Variants in ABL2 observed in about 807,000 individuals in gnomAD.
ABL2 encodes the protein tyrosine-protein kinase ABL2.
A neutral mutation model predicts 107.7 loss-of-function variants in ABL2; 49 were observed. The observed-to-expected ratio is 0.45, with a 90% CI of 0.36 to 0.58. The LOEUF is 0.58. ABL2 is among the 20% of genes least tolerant of loss of function. The pLI is 0.00. For missense variants in ABL2, 1,245 were observed against 1,457.0 expected (o/e 0.85, Z 2.37); for synonymous variants, 549 against 548.6 (o/e 1.00, Z -0.01).
At chr1:179,184,576 G>A in intron 1 of ABL2, 1 of 558,630 alleles carries the variant, frequency 1.8e-6, no homozygotes, top group South Asian at 2.0e-5. Flanking sequence ...AGAAGATGAG[G>A]AGGAGGAGGA....
At chr1:179,135,234 T>A (rs1469476383) in intron 1 of ABL2, among the ~76,000 whole-genome samples, 2 of 147,982 alleles carry the variant, frequency 1.4e-5, no homozygotes, top group African/African-American at 5.0e-5. Context: ...CTGCCCAGTC[T>A]GGAAAGTGAG....
chr1:179,181,555 T>A (rs140939275), intron 1 of ABL2, among the ~76,000 whole-genome samples: 1 of 152,156 alleles, frequency 6.6e-6, no homozygotes. Flanking sequence ...ACACTATCTA[T>A]ATCATGGTGC....
rs1652928979 is a variant in ABL2 at position 179,099,576 on chromosome 1, T to C, written c.*8142A>G. On this transcript the variant is annotated 3_prime_UTR_variant, in exon 12 of 12. Transcript: ENST00000502732. ...GGTAATGTGACACACAATTGATGTG[T>C]TTTTAGTTAAATCCCACATTGTCTC... 4.4e-6 allele frequency: 1 copy of C among 229,524 alleles called. No individual in the cohort carries two copies. Among genetic ancestry groups the C allele is most frequent in the South Asian group, 1.8e-4 (1 of 5,504 alleles). The allele number at this position is 229,524 out of a possible 1,614,324, so 14.2% of individuals were successfully genotyped here. A position where few individuals can be genotyped will look rare whatever the true frequency, so the allele number is the denominator to read the frequency against.
At chr1:179,190,941 T>C (rs1461361887) in intron 1 of ABL2, among the ~76,000 whole-genome samples, 1 of 152,212 alleles carries the variant, frequency 6.6e-6, no homozygotes, top group Non-Finnish European at 1.5e-5. Flanking sequence ...TTTAAGGTCC[T>C]AGGCCTGGTA....
At chr1:179,154,009 C>A (rs1405239443) in intron 1 of ABL2, among the ~76,000 whole-genome samples, 1 of 152,156 alleles carries the variant, frequency 6.6e-6, no homozygotes, top group African/African-American at 2.4e-5. Flanking sequence ...ATTCTAGAGT[C>A]CTCTTTCTTC....
chr1:179,151,703 G>A (rs949022151), intron 1 of ABL2, among the ~76,000 whole-genome samples: 1 of 150,586 alleles, frequency 6.6e-6, no homozygotes, highest in African/African-American at 2.4e-5. Flanking sequence ...ATTACTCTAT[G>A]GAATAAAATT....
chr1:179,122,245 T>C (rs946097642), intron 4 of ABL2, among the ~76,000 whole-genome samples: 9 of 144,496 alleles, frequency 6.2e-5, no homozygotes, highest in African/African-American at 2.1e-4. Flanking sequence ...CATATTTCAC[T>C]GGCCTGAAGA....
At chr1:179,166,644 G>A (rs1041387933) in intron 1 of ABL2, among the ~76,000 whole-genome samples, 7 of 152,000 alleles carry the variant, frequency 4.6e-5, no homozygotes, top group East Asian at 1.9e-4. Flanking sequence ...GGGCATGATG[G>A]TGCCTGCCTG....
At chr1:179,153,432 C>T (rs112342146) in intron 1 of ABL2, among the ~76,000 whole-genome samples, 8 of 152,026 alleles carry the variant, frequency 5.3e-5, no homozygotes, top group Non-Finnish European at 1.0e-4. Flanking sequence ...AAGGTGTCAG[C>T]GGGAGACTCC....
chr1:179,114,067 C>G (rs1483731743), intron 9 of ABL2, among the ~76,000 whole-genome samples: 3 of 151,946 alleles, frequency 2.0e-5, no homozygotes, highest in Non-Finnish European at 4.4e-5. Context: ...CCAGCCTGGC[C>G]AACATGCCAA....
chr1:179,112,967 T>G (rs1654238407), intron 9 of ABL2, among the ~76,000 whole-genome samples: 1 of 152,192 alleles, frequency 6.6e-6, no homozygotes, highest in Non-Finnish European at 1.5e-5. Context: ...TTGGCCATGC[T>G]GGTCTCGAAC....
At chr1:179,147,210 C>CAAAAAAAAAAAAAAAAA (rs1658058948) in intron 1 of ABL2, among the ~76,000 whole-genome samples, 1 of 48,032 alleles carries the variant, frequency 2.1e-5, no homozygotes, top group Non-Finnish European at 4.0e-5. Context: ...AAAAAAAAAC[C>CAAAAAAAAAAAAAAAAA]AACTGATGTT....
At chr1:179,175,999 G>A (rs189968326) in intron 1 of ABL2, among the ~76,000 whole-genome samples, 178 of 152,150 alleles carry the variant, frequency 1.2e-3, no homozygotes, top group African/African-American at 4.1e-3. Flanking sequence ...GGGATTACAG[G>A]TGTGTGCCAC....
At chr1:179,185,300 C>T (rs187021220) in intron 1 of ABL2, among the ~76,000 whole-genome samples, 2 of 152,304 alleles carry the variant, frequency 1.3e-5, no homozygotes, top group East Asian at 1.9e-4. Flanking sequence ...GTCTGACAGA[C>T]ATCCTTGCAG....
chr1:179,148,169 G>A (rs1290807556), intron 1 of ABL2, among the ~76,000 whole-genome samples: 1 of 151,502 alleles, frequency 6.6e-6, no homozygotes, highest in Non-Finnish European at 1.5e-5. Context: ...CTCCTGAGTA[G>A]CTGGGACCAC....
rs143561863 is a variant in ABL2, at chr1:179,132,659, C to A, written c.220+653G>T. On this transcript the variant is annotated intron_variant, in intron 2 of 11. Transcript: ENST00000502732. ...TTCAAGCGTGATTCTCCTGCCTCAG[C>A]CTCCCAAGTAGCTGGGATTACAGGC... Among the ~76,000 whole-genome samples, 1,288 of 151,608 alleles carry A rather than the reference C, an allele frequency of 8.5e-3. 13 individuals are homozygous for A. Among genetic ancestry groups the A allele is most frequent in the Non-Finnish European group, 0.013 (850 of 67,944 alleles).
chr1:179,229,202 C>CCCCCCCCCCCCCCCCCCCCCCCA, intron 1 of ABL2, 39 bp downstream of exon 1: 4 of 1,401,862 alleles, frequency 2.9e-6, no homozygotes, highest in Non-Finnish European at 2.8e-6. Context: ...CACCCCCGGC[C>CCCCCCCCCCCCCCCCCCCCCCCA]TCCCCCACGC....
chr1:179,157,323 T>C (rs1658760212), intron 1 of ABL2, among the ~76,000 whole-genome samples: 1 of 151,986 alleles, frequency 6.6e-6, no homozygotes, highest in Non-Finnish European at 1.5e-5. Context: ...GGTGAAACCC[T>C]GGTCTCCACT....
In ABL2 at chr1:179,180,445, T is replaced by C. The variant is rs1421902283; in HGVS notation, c.158-47071A>G. ...TCTAGAGGAGAGGAAGGAGCTGATA[T>C]GTCCCATGTTTCACAGATACTGAAT... On this transcript the variant is annotated intron_variant, in intron 1 of 11. Coordinates refer to ENST00000502732, the MANE Select transcript of ABL2 (RefSeq NM_007314.4). Among the ~76,000 whole-genome samples, 4 of 152,328 alleles carry C rather than the reference T, an allele frequency of 2.6e-5. No individual in the cohort carries two copies. The South Asian group carries it at 8.3e-4, about 32-fold the overall frequency.
Sources: gnomAD v4.1 joint callset for allele counts (sites outside exome capture counted in the v4.1 genomes callset) on GRCh38, gnomAD v4.1.1 for gene constraint, MANE v1.5 for transcripts, NCBI Gene and HGNC (gene_info 2026-07-23, HGNC 2026-07-21) for gene names.